Variants in CACNB2 observed in about 807,000 individuals in gnomAD.
CACNB2 encodes the protein voltage-dependent L-type calcium channel subunit beta-2.
In CACNB2, 42 loss-of-function variants were observed where a neutral mutation model predicts 73.3. That is an observed-to-expected ratio of 0.57 (90% confidence interval 0.45 to 0.74). CACNB2 has a LOEUF of 0.74. Ranked by LOEUF, CACNB2 falls within the 30% of genes least tolerant of loss-of-function variation. CACNB2 has a pLI of 0.00. For synonymous variants in CACNB2, 348 were observed against 310.3 expected (o/e 1.12, Z -1.28); for missense variants, 940 against 853.0 (o/e 1.10, Z -1.27).
At chr10:18,463,611 T>TG (rs2047705345) in intron 3 of CACNB2, among the ~76,000 whole-genome samples, 3 of 151,752 alleles carry the variant, frequency 2.0e-5, no homozygotes, top group South Asian at 2.1e-4. Context: ...TTTTGTTTTT[T>TG]TTTTGTAGAG....
At chr10:18,369,089 G>C (rs2042471078) in intron 2 of CACNB2, among the ~76,000 whole-genome samples, 1 of 152,130 alleles carries the variant, frequency 6.6e-6, no homozygotes, top group African/African-American at 2.4e-5. Context: ...AACCAGATCA[G>C]AGTATTAGGA....
At chr10:18,202,102 G>C (rs1189615393) in intron 2 of CACNB2, among the ~76,000 whole-genome samples, 1 of 152,190 alleles carries the variant, frequency 6.6e-6, no homozygotes, top group Non-Finnish European at 1.5e-5. Flanking sequence ...GTGGTAGTTT[G>C]ATTAGAGAGG....
At chr10:18,518,600 G>C (rs539696048) in intron 8 of CACNB2, among the ~76,000 whole-genome samples, 184 bp downstream of exon 8, 71 of 152,264 alleles carry the variant, frequency 4.7e-4, no homozygotes, top group African/African-American at 1.7e-3. Flanking sequence ...TCCTTTTTCT[G>C]TTTTGTTTAC....
At chr10:18,417,338 C>T (rs1271173862) in intron 3 of CACNB2, among the ~76,000 whole-genome samples, 1 of 129,066 alleles carries the variant, frequency 7.7e-6, no homozygotes, top group Admixed American at 7.9e-5. Context: ...ATTATTTAAA[C>T]AAAAATCTTG....
chr10:18,165,122 C>T (rs918015227), intron 2 of CACNB2, among the ~76,000 whole-genome samples: 9 of 152,008 alleles, frequency 5.9e-5, no homozygotes, highest in Non-Finnish European at 8.8e-5. Flanking sequence ...CACGGGGAGG[C>T]GACTGATTAA....
intron 4 of CACNB2, chr10:18,498,703 C>A (rs1488418603): frequency 1.9e-6 from 1 of 516,560 alleles, no homozygotes; most frequent in Non-Finnish European, 3.5e-6. Context: ...CTCCCTGGGG[C>A]TCTGTGGCCC....
intron 3 of CACNB2, among the ~76,000 whole-genome samples, chr10:18,489,188 C>T (rs954291456): frequency 1.3e-5 from 2 of 151,944 alleles, no homozygotes; most frequent in African/African-American, 4.8e-5. Flanking sequence ...CACTGCACTC[C>T]AGCCTGGGTG....
chr10:18,453,271 AC>A (rs1361929883), intron 3 of CACNB2, among the ~76,000 whole-genome samples: 1 of 152,196 alleles, frequency 6.6e-6, no homozygotes, highest in Non-Finnish European at 1.5e-5. Flanking sequence ...ACCTATTGTG[AC>A]TGTCTATTAC....
chr10:18,371,183 A>G (rs1425650627), intron 2 of CACNB2, among the ~76,000 whole-genome samples: 1 of 151,282 alleles, frequency 6.6e-6, no homozygotes, highest in Non-Finnish European at 1.5e-5. Flanking sequence ...ATTTCTGATT[A>G]CTGTTAAGTT....
Position 18,540,763 on chromosome 10 carries a change from G to A in CACNB2, c.*1039G>A, listed in dbSNP as rs1471485378. 6.6e-6 allele frequency: 1 copy of A among 152,620 alleles called. No homozygotes were observed. The highest frequency in any genetic ancestry group is 2.4e-5 in the African/African-American group (1 of 41,456). 9.5% of individuals were successfully genotyped at this position (152,620 alleles called of 1,614,324 possible). On this transcript the variant is annotated 3_prime_UTR_variant, in exon 14 of 14. Transcript: ENST00000324631. The stretch of plus-strand genomic sequence containing the variant: ...GAAAGTGTGCACCGAGTGACTGAAT[G>A]GTTGAGATGAATTGGAATGCTGAAG...
chr10:18,373,167 GGTTGTAAA>G (rs1359108518), intron 2 of CACNB2, among the ~76,000 whole-genome samples: 2 of 152,194 alleles, frequency 1.3e-5, no homozygotes, highest in Middle Eastern at 3.4e-3. Flanking sequence ...ACTGTCAGGA[GGTTGTAAA>G]GAAGCCTCTT....
chr10:18,375,586 A>C (rs2042765505), intron 2 of CACNB2, among the ~76,000 whole-genome samples: 1 of 152,232 alleles, frequency 6.6e-6, no homozygotes, highest in Non-Finnish European at 1.5e-5. Flanking sequence ...TCACAAAAAT[A>C]CTTCTAGCAA....
At chr10:18,304,215 C>T (rs1267985994) in intron 2 of CACNB2, among the ~76,000 whole-genome samples, 1 of 152,154 alleles carries the variant, frequency 6.6e-6, no homozygotes, top group East Asian at 1.9e-4. Context: ...CTCAGCCTCC[C>T]AAAGTGCTAG....
At chr10:18,141,290 C>G in intron 1 of CACNB2, 1 of 1,292,468 alleles carries the variant, frequency 7.7e-7, no homozygotes, top group Non-Finnish European at 1.1e-6. Flanking sequence ...GGCCACGCTC[C>G]GAGCCGGGGT....
intron 5 of CACNB2, among the ~76,000 whole-genome samples, chr10:18,502,668 C>T (rs375356676): frequency 1.3e-4 from 16 of 123,980 alleles, no homozygotes; most frequent in African/African-American, 3.4e-4. Flanking sequence ...TCCAGCCTGG[C>T]GACAGAGCAA....
intron 2 of CACNB2, among the ~76,000 whole-genome samples, chr10:18,372,216 C>G (rs943006844): frequency 1.3e-5 from 2 of 152,294 alleles, no homozygotes; most frequent in African/African-American, 4.8e-5. Flanking sequence ...AACTGGATCC[C>G]ATTTGTCAAT....
chr10:18,425,325 G>A (rs1284180587), intron 3 of CACNB2, among the ~76,000 whole-genome samples: 1 of 152,158 alleles, frequency 6.6e-6, no homozygotes, highest in Non-Finnish European at 1.5e-5. Context: ...CAAGTCCGAT[G>A]TATCTATCTT....
intron 3 of CACNB2, among the ~76,000 whole-genome samples, chr10:18,425,280 T>A (rs1303035313): frequency 6.6e-6 from 1 of 152,238 alleles, no homozygotes; most frequent in Non-Finnish European, 1.5e-5. Flanking sequence ...TTGTAGCTGC[T>A]CTTGTCACAT....
intron 2 of CACNB2, among the ~76,000 whole-genome samples, chr10:18,194,991 C>A (rs1010497405): frequency 2.0e-5 from 3 of 152,132 alleles, no homozygotes; most frequent in Non-Finnish European, 4.4e-5. Flanking sequence ...TTCAATGAGG[C>A]TGATTCTTAG....
Sources: allele counts gnomAD v4.1 joint callset (sites outside exome capture counted in the v4.1 genomes callset), GRCh38; gene constraint gnomAD v4.1.1; transcripts MANE v1.5; gene names NCBI Gene and HGNC (gene_info 2026-07-23, HGNC 2026-07-21).